RPL12: variants seen among roughly 807,000 people sequenced by gnomAD.
RPL12 encodes the protein ribosomal protein L12.
Under a neutral mutation model 24.5 loss-of-function variants are expected in RPL12, and 10 were observed. That is an observed-to-expected ratio of 0.41 (90% CI 0.25 to 0.69). The LOEUF is 0.69. Ranked by LOEUF, RPL12 falls within the 30% of genes least tolerant of loss-of-function variation. RPL12 has a pLI of 0.33. For synonymous variants in RPL12, 74 were observed against 76.1 expected (o/e 0.97, Z 0.14); for missense variants, 137 against 205.3 (o/e 0.67, Z 2.03).
intron 4 of RPL12, 133 bp from the exon 5 acceptor site, chr9:127,448,556 C>G (rs1334312039): frequency 1.3e-6 from 1 of 779,224 alleles, no homozygotes; most frequent in South Asian, 1.4e-5. Context: ...ACCCTGTTTC[C>G]TAAGCTGGGG....
chr9:127,450,153 T>C (rs760075540), intron 2 of RPL12: 12 of 183,750 alleles, frequency 6.5e-5, no homozygotes, highest in Non-Finnish European at 1.4e-4. Flanking sequence ...CAAGGAAGAA[T>C]AGTTAAGATA....
At chr9:127,450,877 G>A (rs1834288802) in intron 1 of RPL12, 73 bp from the exon 2 acceptor site, 2 of 1,159,476 alleles carry the variant, frequency 1.7e-6, no homozygotes, top group South Asian at 2.7e-5. Flanking sequence ...TCTTTCCGGG[G>A]TTGGACACGC....
At chr9:127,449,249 A>G in intron 4 of RPL12, 32 bp downstream of exon 4, 1 of 1,586,758 alleles carries the variant, frequency 6.3e-7, no homozygotes, top group Non-Finnish European at 8.6e-7. Flanking sequence ...ACAAACCATT[A>G]CCAAAACCAA....
chr9:127,449,306 T>C lies in RPL12; in HGVS notation c.267A>G (p.Pro89=), dbSNP rs757096430. 4.3e-6 allele frequency: 7 copies of C among 1,612,640 alleles called. No individual in the cohort carries two copies. In the South Asian group the frequency reaches 7.7e-5, roughly 18 times the overall value. ...TGTTTTTCTGTTTCTTTCTGTCTCT[T>C]GGTGGTTCCTTGAGGGCTTTGATGA... ...ALIIKALKEP[P]RDRKKQKNIK... is the part of the protein sequence containing the mutation. The change falls in exon 4 of 7, where the codon CCA becomes CCG. Residue 89 remains proline (P), a synonymous_variant. Transcript: ENST00000361436.
intron 1 of RPL12, 102 bp from the exon 2 acceptor site, chr9:127,450,906 G>C: frequency 3.2e-6 from 3 of 924,804 alleles, no homozygotes; most frequent in Admixed American, 2.7e-5. Context: ...GCCTCTTCTC[G>C]AAACAGCACA....
At chr9:127,448,016 G>C in intron 5 of RPL12, 27 bp from the exon 6 acceptor site, 1 of 1,586,820 alleles carries the variant, frequency 6.3e-7, no homozygotes, top group South Asian at 1.2e-5. Flanking sequence ...GGTGGCATTG[G>C]AGGTGCTGGC....
At chr9:127,450,955 G>T in intron 1 of RPL12, 151 bp from the exon 2 acceptor site, 1 of 687,582 alleles carries the variant, frequency 1.5e-6, no homozygotes, top group Non-Finnish European at 2.5e-6. Context: ...CTCGGGTGTG[G>T]GCAGCTCCGA....
At chr9:127,449,026 C>T (rs1834221931) in intron 4 of RPL12, 3 of 394,046 alleles carry the variant, frequency 7.6e-6, no homozygotes, top group Non-Finnish European at 1.4e-5. Flanking sequence ...GGGGTTTCAC[C>T]ATGTTGGCCA....
At position 127,449,640 on chromosome 9, in the gene RPL12, C is replaced by T; in HGVS notation, c.180G>A (p.Val60=). ...TGDWKGLRIT[V]KLTIQNRQAQ... ...CCTGTCTGTTCTGAATGGTCAGTTT[C>T]ACTGTAATCCTCAGGCCCTTCCAGT... Residue 60 remains valine, a synonymous_variant, in exon 3 of 7, where the codon GTG becomes GTA. Transcript: ENST00000361436. The T allele has an allele frequency of 6.2e-7, 1 of 1,614,154 alleles. No individual in the cohort carries two copies. The highest frequency in any genetic ancestry group is 1.1e-5 in the South Asian group (1 of 91,082).
chr9:127,450,785 T>G lies in RPL12; in HGVS notation c.57A>C (p.Gly19=), dbSNP rs1209553074. Residue 19 remains glycine (G), a synonymous_variant, in exon 2 of 7, where the codon GGA becomes GGC. Coordinates refer to ENST00000361436, the MANE Select transcript of RPL12 (RefSeq NM_000976.4). Reference sequence around the variant, plus strand: ...GGGCAGAAGTGGCACCGACTTCACCTCCGGTGCACCTCAGGTATACTGGGG... The same window carrying G: ...GGGCAGAAGTGGCACCGACTTCACCGCCGGTGCACCTCAGGTATACTGGGG... ...EIKVVYLRCT[G]GEVGATSALA... is the part of the protein sequence containing the mutation. 3 of 1,578,408 alleles carry G rather than the reference T, an allele frequency of 1.9e-6. No individual in the cohort carries two copies. The highest frequency in any genetic ancestry group is 2.6e-6 in the Non-Finnish European group (3 of 1,163,662).
At chr9:127,449,402 G>A (rs1564243279) in intron 3 of RPL12, 40 bp from the exon 4 acceptor site, 1 of 1,558,946 alleles carries the variant, frequency 6.4e-7, no homozygotes, top group Non-Finnish European at 8.8e-7. Flanking sequence ...CACCTCCAGT[G>A]AATACTGCCA....
chr9:127,451,134 G>A, intron 1 of RPL12, 147 bp downstream of exon 1: 2 of 1,108,272 alleles, frequency 1.8e-6, no homozygotes, highest in South Asian at 1.6e-5. Context: ...GGCCCAGAAA[G>A]GCTGAGGCTT....
chr9:127,448,113 T>C, intron 5 of RPL12, 124 bp from the exon 6 acceptor site: 3 of 1,212,166 alleles, frequency 2.5e-6, no homozygotes, highest in South Asian at 1.5e-5. Context: ...GCTCCCCTAA[T>C]ATAGAATATA....
At position 127,449,238 on chromosome 9, in the gene RPL12, C is replaced by T. The variant is rs371088756; in HGVS notation, c.292+43G>A. 6 of 1,535,186 alleles carry T rather than the reference C, an allele frequency of 3.9e-6. No individual in the cohort carries two copies. The African/African-American group carries it at 8.2e-5, about 21-fold the overall frequency. On this transcript the variant is annotated intron_variant, in intron 4 of 6. Transcript: ENST00000361436. The stretch of plus-strand genomic sequence containing the variant: ...ACACAGCCACATATATCAAACATCT[C>T]ACAAACCATTACCAAAACCAAACTA...
At chr9:127,450,892 C>T (rs1179139445) in intron 1 of RPL12, 88 bp from the exon 2 acceptor site, 9 of 1,016,230 alleles carry the variant, frequency 8.9e-6, no homozygotes, top group Non-Finnish European at 1.3e-5. Flanking sequence ...ACACGCCACC[C>T]TCTGCCTCTT....
chr9:127,448,670 G>T (rs777602924), intron 4 of RPL12: 8 of 708,046 alleles, frequency 1.1e-5, no homozygotes, highest in Non-Finnish European at 1.6e-5. Flanking sequence ...ATCTGACATG[G>T]CAGAAACTGT....
chr9:127,448,089 G>A (rs1435767464), intron 5 of RPL12, 100 bp from the exon 6 acceptor site: 7 of 1,373,036 alleles, frequency 5.1e-6, no homozygotes, highest in African/African-American at 2.9e-5. Context: ...GGCAATGGAA[G>A]GAATGAGGTT....
intron 3 of RPL12, 27 bp from the exon 4 acceptor site, chr9:127,449,389 C>T (rs1303218258): frequency 1.9e-6 from 3 of 1,590,566 alleles, no homozygotes; most frequent in Admixed American, 1.7e-5. Flanking sequence ...TGAGTGAATA[C>T]TCCACCTCCA....
At chr9:127,448,111 A>G (rs2131971852) in intron 5 of RPL12, 122 bp from the exon 6 acceptor site, 1 of 1,207,656 alleles carries the variant, frequency 8.3e-7, no homozygotes, top group Non-Finnish European at 1.2e-6. Context: ...CTGCTCCCCT[A>G]ATATAGAATA....
Sources: allele counts gnomAD v4.1 joint callset, GRCh38; gene constraint gnomAD v4.1.1; transcripts MANE v1.5; gene names NCBI Gene and HGNC (gene_info 2026-07-23, HGNC 2026-07-21).